Variants in ZNF407 observed in about 807,000 individuals in gnomAD.
The protein encoded by ZNF407 is zinc finger protein 407.
Under a neutral mutation model 131.2 loss-of-function variants are expected in ZNF407, and 17 were observed. That is an observed-to-expected ratio of 0.13 (90% CI 0.09 to 0.19). ZNF407 has a LOEUF of 0.19. ZNF407 is among the 10% of genes least tolerant of loss of function. ZNF407 has a pLI of 1.00. For missense variants in ZNF407, 2,681 were observed against 2,830.6 expected (o/e 0.95, Z 1.20); for synonymous variants, 1,156 against 1,062.0 (o/e 1.09, Z -1.72).
chr18:74,935,457 A>T (rs1258824297), intron 8 of ZNF407, among the ~76,000 whole-genome samples: 1 of 152,198 alleles, frequency 6.6e-6, no homozygotes, highest in Non-Finnish European at 1.5e-5. Context: ...CTTGTTGTTC[A>T]GACAAAGCAA....
chr18:74,963,597 T>C (rs1398532986), intron 8 of ZNF407, among the ~76,000 whole-genome samples: 3 of 152,192 alleles, frequency 2.0e-5, no homozygotes, highest in Non-Finnish European at 4.4e-5. Flanking sequence ...TAGCAAAATC[T>C]CCTCATTTAT....
chr18:74,776,858 A>G lies in ZNF407; in HGVS notation c.4803-4570A>G, dbSNP rs575634142. Reference sequence around the variant, plus strand: ...TAGAGAAAACGTTATTAAGATAATCATAGGGAAGAAAATGTGTATATTTAG... The same window carrying G: ...TAGAGAAAACGTTATTAAGATAATCGTAGGGAAGAAAATGTGTATATTTAG... On this transcript the variant is annotated intron_variant, in intron 3 of 8. Transcript: ENST00000299687. Among the ~76,000 whole-genome samples, 3 of 152,368 alleles carry G rather than the reference A, an allele frequency of 2.0e-5. No homozygotes were observed. The South Asian group carries it at 6.2e-4, about 32-fold the overall frequency.
chr18:74,976,269 C>A (rs767199697), intron 8 of ZNF407, among the ~76,000 whole-genome samples: 11 of 152,198 alleles, frequency 7.2e-5, no homozygotes, highest in Non-Finnish European at 1.2e-4. Context: ...TTTACGTGTT[C>A]TGTCACATTA....
intron 8 of ZNF407, among the ~76,000 whole-genome samples, chr18:74,987,216 G>A (rs1189521173): frequency 1.3e-5 from 2 of 151,934 alleles, no homozygotes; most frequent in East Asian, 1.9e-4. Context: ...TGTCAGTACC[G>A]GGGAATTTTT....
chr18:74,833,388 T>C (rs1194719799), intron 4 of ZNF407, among the ~76,000 whole-genome samples: 2 of 152,214 alleles, frequency 1.3e-5, no homozygotes, highest in Non-Finnish European at 1.5e-5. Flanking sequence ...TTAATCAAAC[T>C]GTAATAAATG....
intron 3 of ZNF407, among the ~76,000 whole-genome samples, chr18:74,666,279 C>T (rs1599052816): frequency 6.6e-6 from 1 of 152,142 alleles, no homozygotes; most frequent in Admixed American, 6.5e-5. Context: ...TGAGCTTCTA[C>T]AGGCAGCAGC....
At chr18:74,991,000 C>T (rs902417428) in intron 8 of ZNF407, among the ~76,000 whole-genome samples, 5 of 152,082 alleles carry the variant, frequency 3.3e-5, no homozygotes, top group African/African-American at 4.8e-5. Context: ...TGGATGAAAT[C>T]GGAGAAGTTC....
intron 1 of ZNF407, among the ~76,000 whole-genome samples, chr18:74,607,097 G>T (rs1219755327): frequency 6.6e-6 from 1 of 152,210 alleles, no homozygotes; most frequent in African/African-American, 2.4e-5. Context: ...ATTAGTTGTA[G>T]AACAAGGATT....
At chr18:74,667,468 G>T (rs1343068223) in intron 3 of ZNF407, among the ~76,000 whole-genome samples, 1 of 152,184 alleles carries the variant, frequency 6.6e-6, no homozygotes, top group Non-Finnish European at 1.5e-5. Flanking sequence ...AACAATGACA[G>T]CAGCAGCTGT....
intron 8 of ZNF407, among the ~76,000 whole-genome samples, chr18:75,030,237 T>C (rs1973224211): frequency 6.6e-6 from 1 of 152,228 alleles, no homozygotes; most frequent in African/African-American, 2.4e-5. Flanking sequence ...TCACTGGATT[T>C]AATAGCTCCC....
Position 74,887,910 on chromosome 18 carries a change from C to G in ZNF407, c.5129-2008C>G, listed in dbSNP as rs971414524. Among the ~76,000 whole-genome samples, 4 of 152,076 alleles carry G rather than the reference C, an allele frequency of 2.6e-5. No individual in the cohort carries two copies. The South Asian group carries it at 8.3e-4, about 32-fold the overall frequency. ...TGTGCTGCAGTAAGAGAGAAAATAC[C>G]ACCAAATGGGTTGTGTATGGATTCA... is the stretch of plus-strand genomic sequence containing the variant. On this transcript the variant is annotated intron_variant, in intron 6 of 8. Coordinates refer to ENST00000299687, the MANE Select transcript of ZNF407 (RefSeq NM_017757.3).
intron 4 of ZNF407, among the ~76,000 whole-genome samples, chr18:74,811,670 T>G (rs1349796766): frequency 1.3e-5 from 2 of 151,758 alleles, no homozygotes; most frequent in African/African-American, 4.8e-5. Flanking sequence ...GTGGCACATA[T>G]ACACCATGGA....
At chr18:74,744,284 A>T (rs2144927636) in intron 3 of ZNF407, among the ~76,000 whole-genome samples, 1 of 152,278 alleles carries the variant, frequency 6.6e-6, no homozygotes, top group Non-Finnish European at 1.5e-5. Context: ...GTGCTCTGTC[A>T]TGAAGGGACG....
At chr18:75,032,249 G>A (rs956526161) in intron 8 of ZNF407, among the ~76,000 whole-genome samples, 1 of 152,142 alleles carries the variant, frequency 6.6e-6, no homozygotes, top group Non-Finnish European at 1.5e-5. Context: ...GGGCTGTTCC[G>A]ATGTGTTGAC....
intron 4 of ZNF407, among the ~76,000 whole-genome samples, chr18:74,860,238 A>C (rs1015539934): frequency 6.6e-6 from 1 of 152,050 alleles, no homozygotes; most frequent in African/African-American, 2.4e-5. Context: ...TCAAGGATGC[A>C]GTGAGCTATG....
At chr18:75,049,343 C>T (rs921950387) in intron 8 of ZNF407, among the ~76,000 whole-genome samples, 6 of 152,116 alleles carry the variant, frequency 3.9e-5, no homozygotes, top group African/African-American at 1.2e-4. Context: ...CCTGCTCTGG[C>T]AGGGTTTCAC....
At chr18:74,618,521 T>C (rs1983404488) in intron 1 of ZNF407, among the ~76,000 whole-genome samples, 1 of 152,238 alleles carries the variant, frequency 6.6e-6, no homozygotes, top group Non-Finnish European at 1.5e-5. Context: ...TGTGGAGTTC[T>C]GATTCTGAGT....
At chr18:74,736,580 A>G (rs1315918678) in intron 3 of ZNF407, among the ~76,000 whole-genome samples, 4 of 152,026 alleles carry the variant, frequency 2.6e-5, no homozygotes, top group Non-Finnish European at 4.4e-5. Flanking sequence ...AATTAGTACT[A>G]TTTCTGTACT....
chr18:74,933,681 G>A (rs1442120747), intron 8 of ZNF407, among the ~76,000 whole-genome samples: 3 of 152,142 alleles, frequency 2.0e-5, no homozygotes, highest in Admixed American at 6.6e-5. Context: ...GTGAAGTGCC[G>A]TTCAGGGCAG....
Sources: gnomAD v4.1 joint callset for allele counts (sites outside exome capture counted in the v4.1 genomes callset) on GRCh38, gnomAD v4.1.1 for gene constraint, MANE v1.5 for transcripts, NCBI Gene and HGNC (gene_info 2026-07-23, HGNC 2026-07-21) for gene names.